Variants in ELMO1 observed in about 807,000 individuals in gnomAD.
ELMO1 encodes engulfment and cell motility 1, also known as engulfment and cell motility protein 1.
ELMO1 carries 26 observed loss-of-function variants against 98.9 expected under a neutral mutation model. That is an observed-to-expected ratio of 0.26 (90% CI 0.19 to 0.36). ELMO1 has a LOEUF of 0.36. Ranked by LOEUF, ELMO1 falls within the 10% of genes least tolerant of loss-of-function variation. The pLI is 1.00. For missense variants in ELMO1, 627 were observed against 935.2 expected, an observed-to-expected ratio of 0.67 and a Z score of 4.30; for synonymous variants, 346 against 346.0, an observed-to-expected ratio of 1.00 and a Z score of 0.00.
intron 16 of ELMO1, among the ~76,000 whole-genome samples, chr7:36,921,455 A>G (rs552251762): frequency 5.3e-5 from 8 of 152,354 alleles, no homozygotes; most frequent in African/African-American, 1.9e-4. Flanking sequence ...ATGAGCAGAC[A>G]TTTATGTCCT....
intron 14 of ELMO1, among the ~76,000 whole-genome samples, chr7:37,113,455 A>G (rs968058495): frequency 6.6e-6 from 1 of 152,380 alleles, no homozygotes; most frequent in South Asian, 2.1e-4. Context: ...GTAGACAGGG[A>G]GCAAGAGGAT....
intron 2 of ELMO1, among the ~76,000 whole-genome samples, chr7:37,325,443 A>AG (rs755091782): frequency 6.6e-6 from 1 of 152,092 alleles, no homozygotes; most frequent in Non-Finnish European, 1.5e-5. Flanking sequence ...ATGGAGGCTC[A>AG]GGGGAGCAGC....
intron 8 of ELMO1, 93 bp downstream of exon 8, chr7:37,233,002 A>G: frequency 8.8e-7 from 1 of 1,132,310 alleles, no homozygotes. Flanking sequence ...AAAGAACTAA[A>G]GGAAAGACAA....
intron 1 of ELMO1, among the ~76,000 whole-genome samples, chr7:37,372,498 C>G (rs772030836): frequency 6.6e-6 from 1 of 152,170 alleles, no homozygotes; most frequent in Non-Finnish European, 1.5e-5. Context: ...TCTAAGTTCA[C>G]AAAGTCAAGC....
At chr7:37,333,396 C>T (rs1470505682) in intron 2 of ELMO1, among the ~76,000 whole-genome samples, 2 of 152,130 alleles carry the variant, frequency 1.3e-5, no homozygotes, top group Non-Finnish European at 2.9e-5. Context: ...CTGAGTTGCC[C>T]GAACTTCTCA....
intron 16 of ELMO1, among the ~76,000 whole-genome samples, chr7:37,007,876 C>T (rs1024249494): frequency 3.3e-5 from 5 of 152,142 alleles, no homozygotes; most frequent in African/African-American, 9.7e-5. Flanking sequence ...CCCATTGACT[C>T]GGTTGAAGCT....
chr7:36,931,162 G>A (rs185800959), intron 16 of ELMO1, among the ~76,000 whole-genome samples: 40 of 152,326 alleles, frequency 2.6e-4, no homozygotes, highest in African/African-American at 9.6e-4. Context: ...GCTTCCTTTA[G>A]AACATTTAAG....
chr7:37,152,444 C>CTTT (rs11421529), intron 13 of ELMO1, among the ~76,000 whole-genome samples: 2 of 143,806 alleles, frequency 1.4e-5, no homozygotes, highest in African/African-American at 2.6e-5. Flanking sequence ...AATGTTGGGG[C>CTTT]TTTTTTTTTT....
At chr7:37,002,316 G>A (rs956528329) in intron 16 of ELMO1, 4 of 152,238 alleles carry the variant, frequency 2.6e-5, no homozygotes, top group African/African-American at 4.8e-5. Context: ...CAAGACAAAA[G>A]TCAAAGGGTG....
chr7:36,996,507 G>A (rs921412178), intron 16 of ELMO1, among the ~76,000 whole-genome samples: 18 of 152,174 alleles, frequency 1.2e-4, no homozygotes, highest in African/African-American at 4.1e-4. Context: ...AAGAAACAGA[G>A]AGAGTAGATA....
intron 2 of ELMO1, among the ~76,000 whole-genome samples, chr7:37,333,309 C>T (rs1800233714): frequency 6.6e-6 from 1 of 152,142 alleles, no homozygotes; most frequent in South Asian, 2.1e-4. Context: ...CAAAGTGTAA[C>T]ATTCACAAAA....
intron 21 of ELMO1, among the ~76,000 whole-genome samples, chr7:36,861,102 A>G (rs965974705): frequency 4.6e-5 from 7 of 152,234 alleles, no homozygotes; most frequent in Admixed American, 4.6e-4. Context: ...TTACAAATGC[A>G]TTTTCCTAGA....
chr7:36,874,829 GA>G (rs1325579309), intron 19 of ELMO1, among the ~76,000 whole-genome samples: 1 of 152,238 alleles, frequency 6.6e-6, no homozygotes, highest in Non-Finnish European at 1.5e-5. Flanking sequence ...GATATGGGGA[GA>G]GGGGGGATGT....
chr7:36,963,662 T>C (rs924208934), intron 16 of ELMO1, among the ~76,000 whole-genome samples: 4 of 152,232 alleles, frequency 2.6e-5, no homozygotes, highest in East Asian at 1.9e-4. Flanking sequence ...TATGTCTTAA[T>C]AGGAACAAAA....
At chr7:37,304,184 C>A (rs1798485419) in intron 4 of ELMO1, among the ~76,000 whole-genome samples, 1 of 152,166 alleles carries the variant, frequency 6.6e-6, no homozygotes, top group Non-Finnish European at 1.5e-5. Context: ...TTTTTAGAGA[C>A]AGCTTCAGAA....
chr7:37,328,181 G>A (rs1158462410), intron 2 of ELMO1, among the ~76,000 whole-genome samples: 2 of 151,996 alleles, frequency 1.3e-5, no homozygotes, highest in South Asian at 2.1e-4. Flanking sequence ...TCAAGAGTTC[G>A]AGACCAGCCT....
At chr7:36,956,405 A>C (rs1788447204) in intron 16 of ELMO1, among the ~76,000 whole-genome samples, 1 of 152,194 alleles carries the variant, frequency 6.6e-6, no homozygotes, top group African/African-American at 2.4e-5. Context: ...TTTGAAATAA[A>C]ATAATTAAGT....
At chr7:37,050,697 C>T (rs1796061662) in intron 15 of ELMO1, among the ~76,000 whole-genome samples, 1 of 148,962 alleles carries the variant, frequency 6.7e-6, no homozygotes, top group Admixed American at 6.7e-5. Flanking sequence ...ACTGGCTTGA[C>T]TGTAGAAATC....
At chr7:36,984,752 G>A (rs567966721) in intron 16 of ELMO1, among the ~76,000 whole-genome samples, 3 of 152,206 alleles carry the variant, frequency 2.0e-5, no homozygotes, top group African/African-American at 7.2e-5. Flanking sequence ...GACATCAAGT[G>A]TGCTATGACA....
Sources: allele counts gnomAD v4.1 joint callset (sites outside exome capture counted in the v4.1 genomes callset), GRCh38; gene constraint gnomAD v4.1.1; transcripts MANE v1.5; gene names NCBI Gene and HGNC (gene_info 2026-07-23, HGNC 2026-07-21).